PRDM16: variants seen among roughly 807,000 people sequenced by gnomAD.
PRDM16 encodes PR/SET domain 16.
Under a neutral mutation model 110.6 loss-of-function variants are expected in PRDM16, and 23 were observed. The observed-to-expected ratio is 0.21, with a 90% CI of 0.15 to 0.29. The LOEUF (loss-of-function observed/expected upper bound fraction) is 0.29. Ranked by LOEUF, PRDM16 falls within the 10% of genes least tolerant of loss-of-function variation. The pLI is 1.00. For missense variants in PRDM16, 1,615 were observed against 1,794.3 expected (o/e 0.90, Z 1.81); for synonymous variants, 799 against 781.8 (o/e 1.02, Z -0.37).
chr1:3,141,831 G>A (rs1050514281), intron 1 of PRDM16, among the ~76,000 whole-genome samples: 3 of 152,214 alleles, frequency 2.0e-5, no homozygotes, highest in African/African-American at 4.8e-5. Context: ...CAGTTGGGGT[G>A]GGGGCGGCCT....
chr1:3,118,111 G>C (rs1410805884), intron 1 of PRDM16, among the ~76,000 whole-genome samples: 1 of 129,182 alleles, frequency 7.7e-6, no homozygotes, highest in East Asian at 2.5e-4. Context: ...GCATGTGTGT[G>C]TGCGTGTGCG....
chr1:3,255,908 G>A lies in PRDM16; in HGVS notation c.438+11771G>A, dbSNP rs981911466. 6.6e-6 allele frequency among the ~76,000 whole-genome samples: 1 copy of A among 151,482 alleles called. No individual in the cohort carries two copies. The highest frequency in any genetic ancestry group is 2.4e-5 in the African/African-American group (1 of 40,950). On this transcript the variant is annotated intron_variant, in intron 3 of 16. Coordinates refer to ENST00000270722, the MANE Select transcript of PRDM16 (RefSeq NM_022114.4). The surrounding 1 kb of genome is among the most constrained non-coding windows in gnomAD (Gnocchi z 4.7). ...GACACCCGAAGCCAACCCCGTGGCC[G>A]CACCGACACCTGAAGCCAATCCCGT...
intron 10 of PRDM16, among the ~76,000 whole-genome samples, chr1:3,416,944 C>T (rs1638281172): frequency 6.6e-6 from 1 of 152,230 alleles, no homozygotes; most frequent in Non-Finnish European, 1.5e-5. Flanking sequence ...CTGAGGTCAG[C>T]TCCAAATCTT....
Position 3,370,885 on chromosome 1 carries a change from A to T in PRDM16, c.439-14267A>T, listed in dbSNP as rs749066851. Among the ~76,000 whole-genome samples the T allele has an allele frequency of 2.0e-5, 3 of 150,638 alleles. No homozygotes were observed. The highest frequency in any genetic ancestry group is 3.0e-5 in the Non-Finnish European group (2 of 67,710). ...CCATTAATTATCCATCCACCCACCCATCCACCATCCATTCATCCATCCATC... is the reference window on the plus strand; with the variant it reads ...CCATTAATTATCCATCCACCCACCCTTCCACCATCCATTCATCCATCCATC... On this transcript the variant is annotated intron_variant, in intron 3 of 16. Coordinates refer to ENST00000270722, the MANE Select transcript of PRDM16 (RefSeq NM_022114.4). The surrounding 1 kb of genome is among the most constrained non-coding windows in gnomAD (Gnocchi z 4.8).
chr1:3,407,841 C>T (rs1353108890), intron 8 of PRDM16, among the ~76,000 whole-genome samples: 1 of 152,234 alleles, frequency 6.6e-6, no homozygotes, highest in Admixed American at 6.5e-5. Flanking sequence ...TGCCCCGCCT[C>T]GGCGACTCTT....
At chr1:3,354,833 C>T (rs1012342058) in intron 3 of PRDM16, among the ~76,000 whole-genome samples, 17 of 152,210 alleles carry the variant, frequency 1.1e-4, no homozygotes, top group Admixed American at 2.6e-4. Context: ...CGATGGATGG[C>T]GAGGTCTCCT....
At chr1:3,275,350 A>G (rs1371650310) in intron 3 of PRDM16, among the ~76,000 whole-genome samples, 2 of 152,206 alleles carry the variant, frequency 1.3e-5, no homozygotes, top group Admixed American at 1.3e-4. Context: ...ACCCCGTCCC[A>G]TAGACACAGG....
intron 15 of PRDM16, 80 bp downstream of exon 15, chr1:3,431,188 C>G: frequency 6.7e-7 from 1 of 1,500,722 alleles, no homozygotes; most frequent in Non-Finnish European, 8.9e-7. Flanking sequence ...CCTCTTCAGC[C>G]ACTCGTGAGC....
chr1:3,392,709 T>C (rs1643318831), intron 4 of PRDM16, among the ~76,000 whole-genome samples: 1 of 152,232 alleles, frequency 6.6e-6, no homozygotes, highest in African/African-American at 2.4e-5. Context: ...TTTCTGTGTC[T>C]TAAAGAATAT....
intron 1 of PRDM16, among the ~76,000 whole-genome samples, chr1:3,185,912 A>T (rs1230283524): frequency 6.6e-6 from 1 of 152,200 alleles, no homozygotes; most frequent in Non-Finnish European, 1.5e-5. Context: ...GCCTGGTAGG[A>T]TCCCATCCTC....
At chr1:3,328,012 A>C (rs1046027926) in intron 3 of PRDM16, among the ~76,000 whole-genome samples, 6 of 152,328 alleles carry the variant, frequency 3.9e-5, no homozygotes, top group South Asian at 2.1e-4. Context: ...AAGGAGCAGG[A>C]GTCTCTGGGG....
At chr1:3,347,426 C>T (rs1441859239) in intron 3 of PRDM16, among the ~76,000 whole-genome samples, 1 of 152,214 alleles carries the variant, frequency 6.6e-6, no homozygotes, top group Non-Finnish European at 1.5e-5. Flanking sequence ...CACGGTGGTG[C>T]AGGTCCCACT....
At chr1:3,219,815 G>A (rs554387166) in intron 2 of PRDM16, among the ~76,000 whole-genome samples, 63 of 152,248 alleles carry the variant, frequency 4.1e-4, no homozygotes, top group South Asian at 1.9e-3. Flanking sequence ...CATACCTCAC[G>A]GGCGCTGTCT....
intron 1 of PRDM16, among the ~76,000 whole-genome samples, chr1:3,120,535 C>T (rs2100661171): frequency 6.6e-6 from 1 of 152,314 alleles, no homozygotes; most frequent in South Asian, 2.1e-4. Context: ...CTGCCACCAT[C>T]CCCGCAAAGC....
chr1:3,427,000 G>T (rs1463935610), intron 14 of PRDM16, among the ~76,000 whole-genome samples: 1 of 152,240 alleles, frequency 6.6e-6, no homozygotes, highest in Non-Finnish European at 1.5e-5. Context: ...ACACGCATAT[G>T]CACACATGCA....
chr1:3,139,004 T>C (rs1643492754), intron 1 of PRDM16, among the ~76,000 whole-genome samples: 1 of 152,152 alleles, frequency 6.6e-6, no homozygotes, highest in Admixed American at 6.5e-5. Context: ...AACTTTGACC[T>C]TTGGGATAAG....
chr1:3,199,192 T>A lies in PRDM16; in HGVS notation c.387+12718T>A, dbSNP rs186536420. Among the ~76,000 whole-genome samples the A allele has an allele frequency of 3.0e-3, 456 of 152,260 alleles. 3 individuals carry two copies. Among genetic ancestry groups the A allele is most frequent in the Non-Finnish European group, 5.1e-3 (347 of 68,024 alleles). On this transcript the variant is annotated intron_variant, in intron 2 of 16. Transcript: ENST00000270722. ...AGTTTCAACAGGCACCTCTGGATCCTCGGGGACAGAAGCTGCCAATGGCCA... is the reference window on the plus strand; with the variant it reads ...AGTTTCAACAGGCACCTCTGGATCCACGGGGACAGAAGCTGCCAATGGCCA...
chr1:3,087,457 C>T (rs1472021814), intron 1 of PRDM16, among the ~76,000 whole-genome samples: 3 of 152,196 alleles, frequency 2.0e-5, no homozygotes, highest in Non-Finnish European at 4.4e-5. Flanking sequence ...TTGTTCCTGC[C>T]TTGGGGTCAG....
At position 3,299,253 on chromosome 1, in the gene PRDM16, C is replaced by T. The variant is rs575823379; in HGVS notation, c.438+55116C>T. 9.5e-4 allele frequency among the ~76,000 whole-genome samples: 144 copies of T among 151,320 alleles called. 1 individual carries two copies. Among genetic ancestry groups the T allele is most frequent in the African/African-American group, 3.3e-3 (134 of 41,086 alleles). ...GTGCTGTGGCCGTGATGTTTCAGATCCCAGTCGTGGTGGCTCTGCCCTTGT... is the reference window on the plus strand; with the variant it reads ...GTGCTGTGGCCGTGATGTTTCAGATTCCAGTCGTGGTGGCTCTGCCCTTGT... On this transcript the variant is annotated intron_variant, in intron 3 of 16. Coordinates refer to ENST00000270722, the MANE Select transcript of PRDM16 (RefSeq NM_022114.4).
Sources: allele counts gnomAD v4.1 joint callset (sites outside exome capture counted in the v4.1 genomes callset), GRCh38; gene constraint gnomAD v4.1.1; non-coding constraint Gnocchi (gnomAD v3.1); transcripts MANE v1.5; gene names NCBI Gene and HGNC (gene_info 2026-07-23, HGNC 2026-07-21).